The following CDH18 variants were observed in gnomAD, a reference collection of about 807,000 sequenced individuals.
The protein encoded by CDH18 is cadherin-18.
A neutral mutation model predicts 67.9 loss-of-function variants in CDH18; 31 were observed. The observed-to-expected ratio is 0.46, with a 90% CI of 0.34 to 0.62. The LOEUF is 0.62. Ranked by LOEUF, CDH18 falls within the 20% of genes least tolerant of loss-of-function variation. The probability of loss-of-function intolerance (pLI) is 0.01; values close to 1 mark genes in which losing one functional copy is unlikely to be tolerated. For missense variants in CDH18, 890 were observed against 975.5 expected (o/e 0.91, Z 1.17); for synonymous variants, 362 against 347.2 (o/e 1.04, Z -0.48).
At chr5:20,367,646 A>T (rs1742635701) in intron 1 of CDH18, among the ~76,000 whole-genome samples, 1 of 152,248 alleles carries the variant, frequency 6.6e-6, no homozygotes, top group African/African-American at 2.4e-5. Flanking sequence ...TAATGTTCCT[A>T]TGAAGAAATA....
chr5:20,560,098 T>C (rs1464944808), intron 1 of CDH18, among the ~76,000 whole-genome samples: 1 of 152,116 alleles, frequency 6.6e-6, no homozygotes, highest in Non-Finnish European at 1.5e-5. Context: ...AGGTGAGAAG[T>C]CGTCATGGAA....
intron 1 of CDH18, among the ~76,000 whole-genome samples, chr5:20,405,620 C>G (rs1283339825): frequency 1.3e-5 from 2 of 152,170 alleles, no homozygotes; most frequent in Admixed American, 6.5e-5. Flanking sequence ...TTCTGCACAG[C>G]AAAAGAAACT....
intron 2 of CDH18, among the ~76,000 whole-genome samples, chr5:20,016,453 A>G (rs1438338854): frequency 6.6e-6 from 1 of 152,108 alleles, no homozygotes; most frequent in Non-Finnish European, 1.5e-5. Context: ...GTACCCCTGA[A>G]CCAAAAATAA....
intron 2 of CDH18, among the ~76,000 whole-genome samples, chr5:20,127,035 T>C (rs1313790843): frequency 6.6e-6 from 1 of 152,162 alleles, no homozygotes; most frequent in Non-Finnish European, 1.5e-5. Context: ...GAGATATGGT[T>C]TGGCTCTGTG....
intron 1 of CDH18, among the ~76,000 whole-genome samples, chr5:20,501,547 TA>T (rs1383193485): frequency 7.2e-5 from 4 of 55,212 alleles, no homozygotes; most frequent in East Asian, 5.1e-4. Flanking sequence ...ATATACATAT[TA>T]TATATATAAT....
At chr5:20,251,391 A>C (rs984416530) in intron 2 of CDH18, among the ~76,000 whole-genome samples, 3 of 152,166 alleles carry the variant, frequency 2.0e-5, no homozygotes, top group Non-Finnish European at 4.4e-5. Context: ...GCTTATCTGT[A>C]ATAACATGAT....
At chr5:19,490,395 T>G (rs1299451145) in intron 11 of CDH18, among the ~76,000 whole-genome samples, 4 of 9,506 alleles carry the variant, frequency 4.2e-4, no homozygotes, top group African/African-American at 1.2e-3. Flanking sequence ...TAAAAATCTG[T>G]TTTTTTTTTT....
intron 1 of CDH18, among the ~76,000 whole-genome samples, chr5:20,405,669 A>C (rs1231235978): frequency 5.3e-5 from 8 of 152,160 alleles, no homozygotes; most frequent in Non-Finnish European, 8.8e-5. Context: ...AATGGGAGAA[A>C]ATTTTTGCAA....
chr5:20,390,064 G>T (rs1343561955), intron 1 of CDH18, among the ~76,000 whole-genome samples: 1 of 152,126 alleles, frequency 6.6e-6, no homozygotes, highest in Non-Finnish European at 1.5e-5. Flanking sequence ...ATACCATTAA[G>T]GACATAGGCA....
intron 1 of CDH18, among the ~76,000 whole-genome samples, chr5:20,281,047 TG>T (rs547961342): frequency 9.5e-4 from 145 of 152,316 alleles, no homozygotes; most frequent in African/African-American, 3.4e-3. Flanking sequence ...CACTTTTTGA[TG>T]GGGTTGTTTG....
At position 19,472,721 on chromosome 5, in the gene CDH18, A is replaced by T. The variant is rs901476513; in HGVS notation, c.*505T>A. 7.2e-5 allele frequency among the ~76,000 whole-genome samples: 11 copies of T among 152,142 alleles called. No homozygotes were observed. Among genetic ancestry groups the T allele is most frequent in the South Asian group, 4.1e-4 (2 of 4,826 alleles). On this transcript the variant is annotated 3_prime_UTR_variant, in exon 13 of 13. Coordinates refer to ENST00000382275, the MANE Select transcript of CDH18 (RefSeq NM_004934.5). ...AAATACCTCATGTAATATAAACACA[A>T]GACAAGGCTAATGAGATCTGTTATA...
At chr5:19,562,985 T>G (rs114938254) in intron 8 of CDH18, among the ~76,000 whole-genome samples, 2,293 of 152,264 alleles carry the variant, frequency 0.015, 48 homozygotes, top group African/African-American at 0.051. Flanking sequence ...AGCAAGTTTA[T>G]TACTAAGATG....
At chr5:20,460,349 G>A (rs1342899139) in intron 1 of CDH18, among the ~76,000 whole-genome samples, 2 of 151,632 alleles carry the variant, frequency 1.3e-5, no homozygotes, top group African/African-American at 2.4e-5. Flanking sequence ...CTGAGATCAC[G>A]CCACTGCACT....
At chr5:19,589,749 C>G (rs1460996573) in intron 7 of CDH18, among the ~76,000 whole-genome samples, 1 of 152,060 alleles carries the variant, frequency 6.6e-6, no homozygotes, top group Non-Finnish European at 1.5e-5. Context: ...TGACTGCATT[C>G]CTCATTCCCT....
intron 5 of CDH18, among the ~76,000 whole-genome samples, chr5:19,621,731 A>G (rs1750746670): frequency 6.6e-6 from 1 of 152,202 alleles, no homozygotes; most frequent in South Asian, 2.1e-4. Context: ...TGCAAGATGA[A>G]TAAGTTCTAA....
At chr5:20,172,240 G>GTA (rs1220031750) in intron 2 of CDH18, among the ~76,000 whole-genome samples, 656 of 64,108 alleles carry the variant, frequency 0.01, 83 homozygotes, top group African/African-American at 0.034. Flanking sequence ...ATATATATAT[G>GTA]TATATATATA....
chr5:19,832,207 A>G (rs1163922655), intron 3 of CDH18, among the ~76,000 whole-genome samples: 4 of 152,252 alleles, frequency 2.6e-5, no homozygotes, highest in Non-Finnish European at 1.5e-5. Flanking sequence ...TCAGCATCGC[A>G]CAATATATAC....
chr5:20,541,376 A>T (rs1757040205), intron 1 of CDH18, among the ~76,000 whole-genome samples: 1 of 152,218 alleles, frequency 6.6e-6, no homozygotes, highest in Admixed American at 6.5e-5. Flanking sequence ...AGTAAAACAG[A>T]TTATTGGATA....
intron 1 of CDH18, among the ~76,000 whole-genome samples, chr5:20,444,175 C>T (rs1330183373): frequency 6.7e-6 from 1 of 149,802 alleles, no homozygotes; most frequent in Non-Finnish European, 1.5e-5. Flanking sequence ...TCCAATATTA[C>T]ATTTGACCAG....
Sources: gnomAD v4.1 joint callset for allele counts (sites outside exome capture counted in the v4.1 genomes callset) on GRCh38, gnomAD v4.1.1 for gene constraint, MANE v1.5 for transcripts, NCBI Gene and HGNC (gene_info 2026-07-23, HGNC 2026-07-21) for gene names.